ACYP2: variants seen among roughly 807,000 people sequenced by gnomAD.
ACYP2 encodes the protein acylphosphatase-2.
A neutral mutation model predicts 11.2 loss-of-function variants in ACYP2; 12 were observed. That is an observed-to-expected ratio of 1.08 (90% CI 0.69 to 1.74). The LOEUF (loss-of-function observed/expected upper bound fraction) is 1.74. Ranked by LOEUF, ACYP2 falls within the 40% of genes most tolerant of loss-of-function variation. The pLI is 0.00. For missense variants in ACYP2, 134 were observed against 101.9 expected, an observed-to-expected ratio of 1.31 and a Z score of -1.35; for synonymous variants, 43 against 32.2, an observed-to-expected ratio of 1.33 and a Z score of -1.13.
intron 2 of ACYP2, among the ~76,000 whole-genome samples, chr2:54,035,450 A>G (rs767746264): frequency 6.6e-6 from 1 of 151,760 alleles, no homozygotes; most frequent in Non-Finnish European, 1.5e-5. Flanking sequence ...TGTTTTTAGT[A>G]GAGACGTGGT....
Position 53,977,068 on chromosome 2 carries a change from G to C in ACYP2, c.62+3258G>C, listed in dbSNP as rs1489410444. 4.0e-5 allele frequency among the ~76,000 whole-genome samples: 6 copies of C among 151,890 alleles called. 1 individual carries two copies. The South Asian group carries it at 6.2e-4, about 16-fold the overall frequency. On this transcript the variant is annotated intron_variant, in intron 2 of 6. Transcript: ENST00000607452. The stretch of plus-strand genomic sequence containing the variant: ...CATATTTCTTTTCTTTTCTTTTTCA[G>C]ATGGAGTCCTGCTCTGTTGCCCAGG...
At chr2:54,025,178 A>G (rs1469684553) in intron 2 of ACYP2, among the ~76,000 whole-genome samples, 1 of 152,162 alleles carries the variant, frequency 6.6e-6, no homozygotes, top group African/African-American at 2.4e-5. Flanking sequence ...GTCAAAAGCA[A>G]TCTACAAATT....
intron 2 of ACYP2, chr2:53,975,428 G>T (rs1198715678): frequency 2.5e-6 from 1 of 393,010 alleles, no homozygotes; most frequent in Admixed American, 4.4e-5. Context: ...CGGGGAGCTG[G>T]TCTGCTCATT....
At chr2:54,197,918 T>A (rs1465992949) in intron 6 of ACYP2, among the ~76,000 whole-genome samples, 7 of 115,492 alleles carry the variant, frequency 6.1e-5, no homozygotes, top group Non-Finnish European at 1.2e-4. Flanking sequence ...TATTTTATTA[T>A]TTTATTTTAT....
chr2:54,124,785 C>T (rs1680375157), intron 4 of ACYP2, among the ~76,000 whole-genome samples: 1 of 152,208 alleles, frequency 6.6e-6, no homozygotes, highest in Non-Finnish European at 1.5e-5. Context: ...ACTGCAATCT[C>T]GACCTCACAG....
rs1344649766 is a variant in ACYP2, at chr2:54,230,873, C to T, written c.405-73815C>T. ...GAGTCAAAGTCTTGCTCTTGTCCCCCAGGCTGGAGTGCAATGGCACAATCT... is the reference window on the plus strand; with the variant it reads ...GAGTCAAAGTCTTGCTCTTGTCCCCTAGGCTGGAGTGCAATGGCACAATCT... On this transcript the variant is annotated intron_variant, in intron 6 of 6. Coordinates refer to ENST00000607452, the MANE Select transcript of ACYP2 (RefSeq NM_001320586.2). Among the ~76,000 whole-genome samples, 4 of 150,536 alleles carry T rather than the reference C, an allele frequency of 2.7e-5. No individual in the cohort carries two copies. In the East Asian group the frequency reaches 7.7e-4, roughly 29 times the overall value.
chr2:54,080,427 A>G (rs1398395273), intron 4 of ACYP2: 1 of 152,196 alleles, frequency 6.6e-6, no homozygotes, highest in Non-Finnish European at 1.5e-5. Context: ...CATTACAGAG[A>G]TACCGTAATC....
At chr2:54,185,907 A>C (rs1410977481) in intron 6 of ACYP2, among the ~76,000 whole-genome samples, 1 of 152,028 alleles carries the variant, frequency 6.6e-6, no homozygotes, top group Non-Finnish European at 1.5e-5. Flanking sequence ...GCCAAGGAAT[A>C]CTATAAGCAA....
At chr2:54,260,315 A>G (rs1371303063) in intron 6 of ACYP2, among the ~76,000 whole-genome samples, 1 of 152,132 alleles carries the variant, frequency 6.6e-6, no homozygotes, top group Non-Finnish European at 1.5e-5. Flanking sequence ...GAGGACAGAG[A>G]AGAAGGTATG....
chr2:54,277,896 G>C (rs1020346005), intron 6 of ACYP2, among the ~76,000 whole-genome samples: 1 of 151,876 alleles, frequency 6.6e-6, no homozygotes, highest in Non-Finnish European at 1.5e-5. Flanking sequence ...TTTTATTATA[G>C]GAAGTTTCAA....
intron 6 of ACYP2, among the ~76,000 whole-genome samples, chr2:54,191,696 G>A (rs1684246690): frequency 6.6e-6 from 1 of 152,172 alleles, no homozygotes; most frequent in Admixed American, 6.5e-5. Flanking sequence ...TATTACTGGA[G>A]GTGTCCATAT....
chr2:54,276,251 T>C (rs1688563315), intron 6 of ACYP2, among the ~76,000 whole-genome samples: 1 of 152,154 alleles, frequency 6.6e-6, no homozygotes, highest in African/African-American at 2.4e-5. Context: ...ATTGTCCCAA[T>C]AGCATATTTT....
At chr2:54,021,156 A>C (rs866501238) in intron 2 of ACYP2, among the ~76,000 whole-genome samples, 2 of 152,182 alleles carry the variant, frequency 1.3e-5, no homozygotes, top group Admixed American at 1.3e-4. Flanking sequence ...AGGAGCAGGC[A>C]TACGAGCCGG....
chr2:53,987,220 T>C (rs1294258305), intron 2 of ACYP2, among the ~76,000 whole-genome samples: 3 of 151,932 alleles, frequency 2.0e-5, no homozygotes, highest in Non-Finnish European at 4.4e-5. Flanking sequence ...CCTTCTGGAG[T>C]TCTGGTTATG....
chr2:54,252,293 G>T (rs564037298), intron 6 of ACYP2, among the ~76,000 whole-genome samples: 8 of 151,402 alleles, frequency 5.3e-5, no homozygotes, highest in South Asian at 2.1e-4. Context: ...AAAAAATTGG[G>T]TTTTTTTTTC....
At chr2:54,024,145 G>A (rs1674154726) in intron 2 of ACYP2, among the ~76,000 whole-genome samples, 1 of 152,132 alleles carries the variant, frequency 6.6e-6, no homozygotes, top group Non-Finnish European at 1.5e-5. Context: ...AGGCTAAAGT[G>A]GGTGGATTAC....
chr2:54,066,486 A>T (rs1004944264), intron 4 of ACYP2, among the ~76,000 whole-genome samples: 9 of 152,152 alleles, frequency 5.9e-5, no homozygotes, highest in Non-Finnish European at 1.2e-4. Context: ...GATATTGCTG[A>T]CCTCATTTTC....
chr2:54,064,507 T>C (rs55649409), intron 4 of ACYP2, among the ~76,000 whole-genome samples: 37,464 of 152,120 alleles, frequency 0.25, 5,259 homozygotes, highest in South Asian at 0.46. Flanking sequence ...CAGATTTCAT[T>C]TCTTCCTAGT....
chr2:54,294,450 A>G (rs1209697662), intron 6 of ACYP2, among the ~76,000 whole-genome samples: 1 of 151,918 alleles, frequency 6.6e-6, no homozygotes, highest in East Asian at 1.9e-4. Context: ...TTGCAGTACA[A>G]CTGGAGAAGC....
Sources: allele counts gnomAD v4.1 joint callset (sites outside exome capture counted in the v4.1 genomes callset), GRCh38; gene constraint gnomAD v4.1.1; transcripts MANE v1.5; gene names NCBI Gene and HGNC (gene_info 2026-07-23, HGNC 2026-07-21).